The following VWA3A variants were observed in gnomAD, a reference collection of about 807,000 sequenced individuals.
The protein encoded by VWA3A is von Willebrand factor A domain containing 3A.
In VWA3A, 134 loss-of-function variants were observed where a neutral mutation model predicts 160.4. The ratio of observed to expected loss-of-function variants is 0.84; its 90% CI spans 0.73 to 0.96. VWA3A has a LOEUF of 0.96. VWA3A is among the 40% of genes least tolerant of loss of function. The pLI, the probability that VWA3A is intolerant of heterozygous loss-of-function variation, is 0.00. For missense variants in VWA3A, 1,310 were observed against 1,447.9 expected, an observed-to-expected ratio of 0.90 and a Z score of 1.55; for synonymous variants, 476 against 543.4, an observed-to-expected ratio of 0.88 and a Z score of 1.72.
intron 31 of VWA3A, among the ~76,000 whole-genome samples, chr16:22,153,093 C>T (rs1202500391): frequency 6.6e-6 from 1 of 152,164 alleles, no homozygotes; most frequent in Non-Finnish European, 1.5e-5. Context: ...CACCTGTAAT[C>T]CCATCACTTT....
chr16:22,111,440 C>T (rs1598055183), intron 8 of VWA3A, among the ~76,000 whole-genome samples: 1 of 152,088 alleles, frequency 6.6e-6, no homozygotes, highest in East Asian at 1.9e-4. Flanking sequence ...CCACCTCAGC[C>T]TCCTGAGTAG....
At chr16:22,109,623 AC>A (rs1383254479) in intron 7 of VWA3A, 43 bp downstream of exon 7, 1 of 1,543,584 alleles carries the variant, frequency 6.5e-7, no homozygotes, top group Non-Finnish European at 8.9e-7. Context: ...ACCACCCACT[AC>A]CCCCAGCCTT....
rs397754746 is a variant in VWA3A, at chr16:22,096,963, A to ATTTT, written c.101+35_101+38dup. ...AACCATTGGTAAGCATAGTTCTCTG[A>ATTTT]TTTTTTTTTTTTTTTTTTTTGAGGC... On this transcript the variant is annotated intron_variant, in intron 2 of 33. Coordinates refer to ENST00000389398, the MANE Select transcript of VWA3A (RefSeq NM_173615.5). The ATTTT allele has an allele frequency of 2.6e-4, 278 of 1,078,800 alleles. No individual in the cohort carries two copies. Among genetic ancestry groups the ATTTT allele is most frequent in the South Asian group, 3.1e-4 (19 of 62,034 alleles). The allele number at this position is 1,078,800 out of a possible 1,614,324, so 66.8% of individuals were successfully genotyped here. A position where few individuals can be genotyped will look rare whatever the true frequency, so the allele number is the denominator to read the frequency against.
chr16:22,133,090 A>G lies in VWA3A; in HGVS notation c.2063A>G (p.Asp688Gly), dbSNP rs1395722790. The part of the protein sequence containing the change: ...AAGGRFHWFG[D>G]TGIYESDDIN... ...GGTGGCCGCTTCCACTGGTTTGGAGACACAGGTACATGACTGTTTCCTCAT... is the reference window on the plus strand; with the variant it reads ...GGTGGCCGCTTCCACTGGTTTGGAGGCACAGGTACATGACTGTTTCCTCAT... Residue 688 changes from aspartate to glycine, a missense_variant, in exon 20 of 34, where the codon GAC becomes GGC. Physicochemically the swap from Asp to Gly is moderately conservative, Grantham distance 94. Transcript: ENST00000389398. The G allele has an allele frequency of 6.2e-7, 1 of 1,611,718 alleles. No homozygotes were observed. The highest frequency in any genetic ancestry group is 1.3e-5 in the African/African-American group (1 of 74,886).
At position 22,109,613 on chromosome 16, in the gene VWA3A, ACCAC is replaced by A. The variant is rs757192048; in HGVS notation, c.582+38_582+41del. On this transcript the variant is annotated intron_variant, in intron 7 of 33. Coordinates refer to ENST00000389398, the MANE Select transcript of VWA3A (RefSeq NM_173615.5). ...TGTCTGGCACAGAGAAACACCTGGA[ACCAC>A]CCACTACCCCCAGCCTTTCCTTCCT... The A allele has an allele frequency of 1.6e-5, 25 of 1,569,586 alleles. No individual in the cohort carries two copies. The African/African-American group carries it at 3.4e-4, about 21-fold the overall frequency.
At position 22,148,169 on chromosome 16, in the gene VWA3A, C is replaced by A. The variant is rs777856695; in HGVS notation, c.2847C>A (p.Arg949=). The change falls in exon 28 of 34, where the codon CGC becomes CGA. Residue 949 remains arginine, a synonymous_variant. Transcript: ENST00000389398. ...CCACCTGTCTCGGAGCAGGGAGCCGCCGACTGTTTGGCACCGTTTTGGAGA... is the reference window on the plus strand; with the variant it reads ...CCACCTGTCTCGGAGCAGGGAGCCGACGACTGTTTGGCACCGTTTTGGAGA... The part of the protein sequence containing the change: ...QRLQWLLSGS[R]RLFGTVLESK... 9 of 1,600,452 alleles carry A rather than the reference C, an allele frequency of 5.6e-6. No individual in the cohort carries two copies. The African/African-American group carries it at 6.7e-5, about 12-fold the overall frequency.
intron 16 of VWA3A, among the ~76,000 whole-genome samples, chr16:22,124,684 G>T (rs578124992): frequency 6.6e-6 from 1 of 151,614 alleles, no homozygotes; most frequent in Non-Finnish European, 1.5e-5. Context: ...ATGAGCCACC[G>T]CACCTGGCCA....
intron 23 of VWA3A, 112 bp downstream of exon 23, chr16:22,140,356 C>A: frequency 9.7e-7 from 1 of 1,034,286 alleles, no homozygotes; most frequent in Non-Finnish European, 1.4e-6. Context: ...GCCTATAATC[C>A]CAGCACTTTT....
chr16:22,133,534 G>A (rs1029039240), intron 20 of VWA3A, among the ~76,000 whole-genome samples: 1 of 151,594 alleles, frequency 6.6e-6, no homozygotes, highest in Middle Eastern at 3.2e-3. Flanking sequence ...TGTAGTCCCA[G>A]CTACTCGGGA....
chr16:22,140,867 C>T (rs994628572), intron 23 of VWA3A, among the ~76,000 whole-genome samples: 2 of 152,106 alleles, frequency 1.3e-5, no homozygotes, highest in Non-Finnish European at 2.9e-5. Context: ...CTGCCTCGGC[C>T]TCCCAAAGTG....
chr16:22,100,480 T>A lies in VWA3A; in HGVS notation c.415T>A (p.Ser139Thr). 1.3e-6 allele frequency: 2 copies of A among 1,551,502 alleles called. No homozygotes were observed. The highest frequency in any genetic ancestry group is 1.7e-6 in the Non-Finnish European group (2 of 1,146,956). Residue 139 changes from serine to threonine, a missense_variant, in exon 5 of 34, where the codon TCA becomes ACA. Ser to Thr is a moderately conservative substitution (Grantham distance 58). Coordinates refer to ENST00000389398, the MANE Select transcript of VWA3A (RefSeq NM_173615.5). Reference sequence around the variant, plus strand: ...CACCCAGATCATCCGCCATTTTGAGTCAAAGCTTTCTGAGTAAGTATGTTT... The same window carrying A: ...CACCCAGATCATCCGCCATTTTGAGACAAAGCTTTCTGAGTAAGTATGTTT... ...FSTQIIRHFE[S>T]KLSDTIEVYQ...
chr16:22,105,676 A>G (rs778178253), intron 6 of VWA3A, among the ~76,000 whole-genome samples: 6 of 152,232 alleles, frequency 3.9e-5, no homozygotes, highest in Non-Finnish European at 7.3e-5. Flanking sequence ...CCAGGCTCCA[A>G]TTGCCTCTTA....
At chr16:22,109,343 T>C in intron 6 of VWA3A, 139 bp from the exon 7 acceptor site, 1 of 693,854 alleles carries the variant, frequency 1.4e-6, no homozygotes, top group South Asian at 1.7e-5. Flanking sequence ...TGCTTTTCCC[T>C]TATAAAATGA....
At chr16:22,106,758 CA>C (rs937036531) in intron 6 of VWA3A, among the ~76,000 whole-genome samples, 3 of 152,132 alleles carry the variant, frequency 2.0e-5, no homozygotes, top group Non-Finnish European at 2.9e-5. Context: ...CTTGACTGCA[CA>C]GGGGGTAAAA....
chr16:22,151,936 C>G (rs1398141926), intron 30 of VWA3A, among the ~76,000 whole-genome samples: 1 of 152,060 alleles, frequency 6.6e-6, no homozygotes, highest in African/African-American at 2.4e-5. Flanking sequence ...AGGCTGAGCA[C>G]GACGGCTCAT....
intron 3 of VWA3A, among the ~76,000 whole-genome samples, chr16:22,099,768 T>A (rs1305244306): frequency 1.3e-5 from 2 of 152,212 alleles, no homozygotes; most frequent in East Asian, 1.9e-4. Context: ...AGTGAGGCCC[T>A]GTCTCTAACA....
chr16:22,106,895 T>C (rs937275365), intron 6 of VWA3A, among the ~76,000 whole-genome samples: 1 of 152,112 alleles, frequency 6.6e-6, no homozygotes, highest in Non-Finnish European at 1.5e-5. Context: ...AACTTGCTGA[T>C]GGATTGGATA....
intron 21 of VWA3A, among the ~76,000 whole-genome samples, chr16:22,135,034 G>A (rs532887334): frequency 2.0e-5 from 3 of 152,186 alleles, no homozygotes; most frequent in East Asian, 1.9e-4. Context: ...TCAGCAACAC[G>A]GTGAAACCCT....
intron 4 of VWA3A, 24 bp downstream of exon 4, chr16:22,100,342 A>G (rs1357487460): frequency 1.3e-6 from 2 of 1,550,666 alleles, no homozygotes; most frequent in Non-Finnish European, 1.7e-6. Context: ...TGTTCCCCGC[A>G]CCCCCCACAG....
Sources: allele counts gnomAD v4.1 joint callset (sites outside exome capture counted in the v4.1 genomes callset), GRCh38; gene constraint gnomAD v4.1.1; transcripts MANE v1.5; gene names NCBI Gene and HGNC (gene_info 2026-07-23, HGNC 2026-07-21).